Variants in HS6ST3 observed in about 807,000 individuals in gnomAD.
HS6ST3 encodes the protein heparan sulfate 6-O-sulfotransferase 3.
HS6ST3 carries 12 observed loss-of-function variants against 36.7 expected under a neutral mutation model. That is an observed-to-expected ratio of 0.33 (90% confidence interval 0.21 to 0.53). HS6ST3 has a LOEUF of 0.53. HS6ST3 is among the 20% of genes least tolerant of loss of function. HS6ST3 has a pLI of 0.95. For missense variants in HS6ST3, 584 were observed against 640.9 expected, an observed-to-expected ratio of 0.91 and a Z score of 0.96; for synonymous variants, 240 against 257.5, an observed-to-expected ratio of 0.93 and a Z score of 0.65.
intron 1 of HS6ST3, among the ~76,000 whole-genome samples, chr13:96,541,640 A>G (rs1423114183): frequency 6.6e-6 from 1 of 152,204 alleles, no homozygotes; most frequent in Non-Finnish European, 1.5e-5. Context: ...TGTAATGAGA[A>G]TGATAACTTT....
In HS6ST3 at chr13:96,314,958, A is replaced by G. The variant is rs906385604; in HGVS notation, c.707+223389A>G. 2.0e-5 allele frequency among the ~76,000 whole-genome samples: 3 copies of G among 152,344 alleles called. No individual in the cohort carries two copies. The South Asian group carries it at 6.2e-4, about 32-fold the overall frequency. Reference sequence around the variant, plus strand: ...CAACAAAAGCAAAAACAAATAAAATATACCAATATCAACAAAGCAGAATGT... The same window carrying G: ...CAACAAAAGCAAAAACAAATAAAATGTACCAATATCAACAAAGCAGAATGT... On this transcript the variant is annotated intron_variant, in intron 1 of 1. Coordinates refer to ENST00000376705, the MANE Select transcript of HS6ST3 (RefSeq NM_153456.4).
intron 1 of HS6ST3, among the ~76,000 whole-genome samples, chr13:96,743,716 T>A (rs1876495595): frequency 1.3e-5 from 2 of 152,060 alleles, no homozygotes; most frequent in Non-Finnish European, 2.9e-5. Context: ...TGTTGTGAAT[T>A]GTGAGATTTC....
At chr13:96,171,159 A>C (rs1430190224) in intron 1 of HS6ST3, among the ~76,000 whole-genome samples, 2 of 152,226 alleles carry the variant, frequency 1.3e-5, no homozygotes, top group Non-Finnish European at 2.9e-5. Context: ...ATGTTAAATT[A>C]AAAGGTGAAT....
At chr13:96,638,169 T>A (rs2139004848) in intron 1 of HS6ST3, among the ~76,000 whole-genome samples, 1 of 152,182 alleles carries the variant, frequency 6.6e-6, no homozygotes, top group African/African-American at 2.4e-5. Context: ...ACTACTTATC[T>A]TACCTACTTA....
chr13:96,458,679 G>A (rs1226473061), intron 1 of HS6ST3, among the ~76,000 whole-genome samples: 5 of 151,618 alleles, frequency 3.3e-5, no homozygotes, highest in African/African-American at 9.7e-5. Context: ...TGCAGTTTGA[G>A]ATTTGAAATT....
intron 1 of HS6ST3, among the ~76,000 whole-genome samples, chr13:96,179,069 C>G (rs1242000898): frequency 6.6e-6 from 1 of 152,040 alleles, no homozygotes. Flanking sequence ...AATTTTTAGA[C>G]TGGGAAATAC....
At chr13:96,439,789 A>C (rs540920128) in intron 1 of HS6ST3, among the ~76,000 whole-genome samples, 10 of 152,350 alleles carry the variant, frequency 6.6e-5, no homozygotes, top group Admixed American at 4.6e-4. Context: ...CCAGAGTTTT[A>C]GCTGCCAAAA....
intron 1 of HS6ST3, among the ~76,000 whole-genome samples, chr13:96,170,661 G>A (rs2054183277): frequency 1.3e-5 from 2 of 152,168 alleles, no homozygotes; most frequent in African/African-American, 4.8e-5. Context: ...GACCTCACTG[G>A]AACTGTCATG....
intron 1 of HS6ST3, among the ~76,000 whole-genome samples, chr13:96,521,888 G>T (rs1337128434): frequency 6.6e-6 from 1 of 152,022 alleles, no homozygotes; most frequent in Non-Finnish European, 1.5e-5. Context: ...CTTGTCTTCT[G>T]CTAGCTTTTG....
At chr13:96,640,604 T>C (rs1323431944) in intron 1 of HS6ST3, among the ~76,000 whole-genome samples, 1 of 152,024 alleles carries the variant, frequency 6.6e-6, no homozygotes, top group Admixed American at 6.6e-5. Context: ...CAATTGCTTT[T>C]GAGGACTTAG....
chr13:96,535,034 A>G (rs1331834572), intron 1 of HS6ST3, among the ~76,000 whole-genome samples: 1 of 152,202 alleles, frequency 6.6e-6, no homozygotes, highest in Non-Finnish European at 1.5e-5. Context: ...AGGCCTGCCC[A>G]GCTGTGTATT....
intron 1 of HS6ST3, among the ~76,000 whole-genome samples, chr13:96,624,198 A>T (rs1233036756): frequency 2.0e-5 from 3 of 152,166 alleles, no homozygotes; most frequent in Non-Finnish European, 2.9e-5. Flanking sequence ...AATAAAGTGA[A>T]AATCTGTATG....
At chr13:96,799,704 C>T (rs1040935959) in intron 1 of HS6ST3, among the ~76,000 whole-genome samples, 2 of 150,634 alleles carry the variant, frequency 1.3e-5, no homozygotes, top group African/African-American at 4.9e-5. Context: ...GTGGGTGCAG[C>T]GCACCAGCAT....
chr13:96,822,177 G>A (rs941252252), intron 1 of HS6ST3, among the ~76,000 whole-genome samples: 1 of 152,194 alleles, frequency 6.6e-6, no homozygotes, highest in East Asian at 1.9e-4. Flanking sequence ...CTGCCAGTGA[G>A]ACTGAATTGG....
rs958882796 is a variant in HS6ST3, at chr13:96,340,959, C to T, written c.707+249390C>T. On this transcript the variant is annotated intron_variant, in intron 1 of 1. Coordinates refer to ENST00000376705, the MANE Select transcript of HS6ST3 (RefSeq NM_153456.4). ...AAAAGTCATTGAAATTCAGTCTTTT[C>T]TGGTTGTACATGGAAAAATCAAGCA... is the stretch of plus-strand genomic sequence containing the variant. Among the ~76,000 whole-genome samples, 3 of 152,098 alleles carry T rather than the reference C, an allele frequency of 2.0e-5. No individual in the cohort carries two copies. In the East Asian group the frequency reaches 5.8e-4, roughly 29 times the overall value.
chr13:96,102,409 G>A (rs1177650797), intron 1 of HS6ST3, among the ~76,000 whole-genome samples: 1 of 152,144 alleles, frequency 6.6e-6, no homozygotes, highest in African/African-American at 2.4e-5. Context: ...TTGAACCCAG[G>A]AGGGGGAGGT....
intron 1 of HS6ST3, among the ~76,000 whole-genome samples, chr13:96,287,452 G>A (rs1394607119): frequency 6.6e-6 from 1 of 152,060 alleles, no homozygotes; most frequent in Non-Finnish European, 1.5e-5. Context: ...CTCAATATAA[G>A]TCATTACTTA....
chr13:96,341,893 C>G (rs1245843674), intron 1 of HS6ST3, among the ~76,000 whole-genome samples: 2 of 152,064 alleles, frequency 1.3e-5, no homozygotes, highest in Non-Finnish European at 2.9e-5. Flanking sequence ...ATAAACTTTA[C>G]TATAAAGAGT....
Position 96,838,602 on chromosome 13 carries a change from C to T in HS6ST3, c.*5404C>T, listed in dbSNP as rs562008496. The T allele has an allele frequency of 6.6e-6, 1 of 152,586 alleles. No individual in the cohort carries two copies. The highest frequency in any genetic ancestry group is 1.9e-4 in the East Asian group (1 of 5,198). 9.5% of individuals were successfully genotyped at this position (152,586 alleles called of 1,614,324 possible). ...GTTCTTTCTCCAAGGCACTTTCGGC[C>T]TTCCTTCTTCTCCCCTTCCGCCATC... On this transcript the variant is annotated 3_prime_UTR_variant, in exon 2 of 2. Coordinates refer to ENST00000376705, the MANE Select transcript of HS6ST3 (RefSeq NM_153456.4).
Sources: gnomAD v4.1 joint callset for allele counts (sites outside exome capture counted in the v4.1 genomes callset) on GRCh38, gnomAD v4.1.1 for gene constraint, MANE v1.5 for transcripts, NCBI Gene and HGNC (gene_info 2026-07-23, HGNC 2026-07-21) for gene names.